Variants in ZNF185 observed in about 807,000 individuals in gnomAD.
The protein encoded by ZNF185 is zinc finger protein 185 with LIM domain, also known as zinc finger protein 185.
ZNF185 carries 56 observed loss-of-function variants against 58.6 expected under a neutral mutation model. The ratio of observed to expected loss-of-function variants is 0.95; its 90% CI spans 0.77 to 1.19. The LOEUF (loss-of-function observed/expected upper bound fraction) is 1.19. Among genes scored for constraint, ZNF185 ranks in the 50% most tolerant of loss-of-function variants. ZNF185 has a pLI of 0.00. For missense variants in ZNF185, 627 were observed against 573.5 expected (o/e 1.09, Z -0.95); for synonymous variants, 230 against 215.9 (o/e 1.07, Z -0.57).
At chrX:152,935,359 C>T (rs1199302046) in intron 14 of ZNF185, among the ~76,000 whole-genome samples, 1 of 109,168 alleles carries the variant, frequency 9.2e-6, no homozygotes, top group African/African-American at 3.3e-5. Flanking sequence ...CCTCAGCCTC[C>T]CAAGTAGCTG....
exon 18 of ZNF185, chrX:152,963,939 A>G: frequency 8.3e-7 from 1 of 1,210,559 alleles, no homozygotes. Flanking sequence ...ATTGGACTCC[A>G]GCTCTACCAC....
At chrX:152,966,064 G>T (rs1430540763) in intron 19 of ZNF185, among the ~76,000 whole-genome samples, 3 of 109,719 alleles carry the variant, frequency 2.7e-5, no homozygotes, top group Non-Finnish European at 5.7e-5. Context: ...CTGGAGTGCA[G>T]TGGCGCCATC....
intron 14 of ZNF185, among the ~76,000 whole-genome samples, chrX:152,934,975 C>T (rs1314805172): frequency 9.0e-6 from 1 of 111,283 alleles, no homozygotes; most frequent in African/African-American, 3.3e-5. Flanking sequence ...AGGCGTGGAC[C>T]ACCACGCCTG....
intron 13 of ZNF185, among the ~76,000 whole-genome samples, chrX:152,932,292 G>A (rs1261750257): frequency 8.9e-6 from 1 of 112,426 alleles, no homozygotes; most frequent in Non-Finnish European, 1.9e-5. Context: ...AAGGGGTGAG[G>A]GGTCCAGGAC....
At chrX:152,973,446 G>A (rs1265555468) in exon 23 of ZNF185, 3 of 112,303 alleles carry the variant, frequency 2.7e-5, no homozygotes, top group Non-Finnish European at 3.8e-5. Context: ...ACTAATGTGC[G>A]CAATTATAAT....
chrX:152,919,262 G>C (rs1434339050), intron 7 of ZNF185, among the ~76,000 whole-genome samples, 181 bp downstream of exon 8: 1 of 111,595 alleles, frequency 9.0e-6, no homozygotes, highest in African/African-American at 3.3e-5. Flanking sequence ...CACCCACTCA[G>C]TGTTGGACCA....
chrX:152,938,068 C>T lies in ZNF185; in HGVS notation c.1122-6C>T, dbSNP rs782512037. On this transcript the variant is annotated splice_region_variant and splice_polypyrimidine_tract_variant and intron_variant, in intron 14 of 22. Coordinates refer to ENST00000449285, the Ensembl canonical transcript of ZNF185. ...GATCTCAGCAGGCCTGTGTTTCCTT[C>T]CTCAGCTCCAGTGCCACTTCAGTCT... The T allele has an allele frequency of 4.3e-6, 5 of 1,173,761 alleles. No individual in the cohort carries two copies. The highest frequency in any genetic ancestry group is 4.6e-6 in the Non-Finnish European group (4 of 875,876).
the ZNF185 span, among the ~76,000 whole-genome samples, chrX:152,907,288 G>A: frequency 2.7e-5 from 3 of 111,782 alleles, no homozygotes; most frequent in Non-Finnish European, 3.8e-5. Context: ...CACTCCACTC[G>A]CTGATGACAC....
At chrX:152,907,685 G>A in the ZNF185 span, among the ~76,000 whole-genome samples, 1 of 113,157 alleles carries the variant, frequency 8.8e-6, no homozygotes, top group African/African-American at 3.2e-5. Flanking sequence ...CCCTGGGACA[G>A]GCTGGTGTTG....
At chrX:152,910,348 G>A (rs1279484034), upstream of ZNF185, among the ~76,000 whole-genome samples, 3 of 112,223 alleles carry the variant, frequency 2.7e-5, no homozygotes, top group African/African-American at 9.7e-5. Flanking sequence ...ATACACAAAG[G>A]AGCAAAATAT....
chrX:152,926,474 T>A (rs1418900353), intron 11 of ZNF185, among the ~76,000 whole-genome samples: 1 of 112,517 alleles, frequency 8.9e-6, no homozygotes, highest in African/African-American at 3.2e-5. Context: ...AAAGGAGGTA[T>A]CCCCTCGCCC....
At chrX:152,931,194 C>CAACAAAA (rs1447715826) in intron 12 of ZNF185, among the ~76,000 whole-genome samples, 3 of 112,253 alleles carry the variant, frequency 2.7e-5, no homozygotes, top group African/African-American at 9.7e-5. Flanking sequence ...AAAACAACAA[C>CAACAAAA]AACAAAAAAC....
chrX:152,944,333 G>A (rs1556892557), intron 15 of ZNF185, among the ~76,000 whole-genome samples: 1 of 112,537 alleles, frequency 8.9e-6, no homozygotes, highest in Non-Finnish European at 1.9e-5. Flanking sequence ...TTGTCTCGGG[G>A]TAGCCCCCAC....
chrX:152,938,081 G>C, exon 15 of ZNF185: 2 of 1,177,672 alleles, frequency 1.7e-6, no homozygotes, highest in Non-Finnish European at 2.3e-6. Context: ...CAGCTCCAGT[G>C]CCACTTCAGT....
the ZNF185 span, among the ~76,000 whole-genome samples, chrX:152,907,610 G>A: frequency 3.5e-5 from 4 of 113,207 alleles, no homozygotes; most frequent in African/African-American, 1.3e-4. Flanking sequence ...GGCGGGCCGG[G>A]GCATCTGCCT....
chrX:152,903,159 TG>T, the ZNF185 span, among the ~76,000 whole-genome samples: 1 of 108,600 alleles, frequency 9.2e-6, no homozygotes, highest in Non-Finnish European at 1.9e-5. Flanking sequence ...GAGGCTGAGG[TG>T]GGTGGATCAC....
chrX:152,930,355 A>G (rs782519078), intron 12 of ZNF185, among the ~76,000 whole-genome samples: 1 of 112,347 alleles, frequency 8.9e-6, no homozygotes, highest in Non-Finnish European at 1.9e-5. Context: ...GAGAGTGATT[A>G]GGGCTCAAGA....
At chrX:152,961,387 G>A (rs1203714606) in intron 17 of ZNF185, among the ~76,000 whole-genome samples, 1 of 112,396 alleles carries the variant, frequency 8.9e-6, no homozygotes, top group Non-Finnish European at 1.9e-5. Flanking sequence ...CATGCCAGCA[G>A]CCAGCCTCAG....
chrX:152,939,513 T>C (rs1467409073), intron 15 of ZNF185, among the ~76,000 whole-genome samples: 1 of 112,271 alleles, frequency 8.9e-6, no homozygotes, highest in Non-Finnish European at 1.9e-5. Flanking sequence ...TTATGAAATC[T>C]TGTCTTTGGA....
Sources: allele counts gnomAD v4.1 joint callset (sites outside exome capture counted in the v4.1 genomes callset), GRCh38; gene constraint gnomAD v4.1.1; transcripts MANE v1.5; gene names NCBI Gene and HGNC (gene_info 2026-07-23, HGNC 2026-07-21).